GALNT17: variants seen among roughly 807,000 people sequenced by gnomAD.
GALNT17 encodes the protein polypeptide N-acetylgalactosaminyltransferase 17.
GALNT17 carries 29 observed loss-of-function variants against 63.7 expected under a neutral mutation model. The observed-to-expected ratio is 0.46, with a 90% CI of 0.34 to 0.62. The LOEUF is 0.62. GALNT17 is among the 20% of genes least tolerant of loss of function. GALNT17 has a pLI of 0.01. For missense variants in GALNT17, 603 were observed against 799.6 expected (o/e 0.75, Z 2.97); for synonymous variants, 305 against 318.3 (o/e 0.96, Z 0.45).
chr7:71,477,352 G>A (rs1178952424), intron 5 of GALNT17, among the ~76,000 whole-genome samples: 7 of 152,182 alleles, frequency 4.6e-5, no homozygotes, highest in Admixed American at 3.9e-4. Context: ...ACGGAGGTTG[G>A]TGTTTTCACC....
At chr7:71,524,480 A>G (rs555598712) in intron 5 of GALNT17, among the ~76,000 whole-genome samples, 2 of 152,072 alleles carry the variant, frequency 1.3e-5, no homozygotes, top group South Asian at 4.1e-4. Flanking sequence ...CAGTACATCA[A>G]ACTCTGACAA....
chr7:71,615,284 G>A (rs1790184489), intron 6 of GALNT17, among the ~76,000 whole-genome samples: 1 of 152,064 alleles, frequency 6.6e-6, no homozygotes, highest in Non-Finnish European at 1.5e-5. Flanking sequence ...CTTCCACTCT[G>A]CTAGCCTGCT....
intron 1 of GALNT17, among the ~76,000 whole-genome samples, chr7:71,279,578 A>G (rs1238788803): frequency 1.3e-5 from 2 of 151,742 alleles, no homozygotes; most frequent in East Asian, 3.9e-4. Flanking sequence ...ACTTAATTAC[A>G]TCAACAAGGA....
chr7:71,507,425 G>A (rs1788286344), intron 5 of GALNT17, among the ~76,000 whole-genome samples: 1 of 152,158 alleles, frequency 6.6e-6, no homozygotes, highest in Admixed American at 6.5e-5. Context: ...CACTTGGTAT[G>A]TATCTATACA....
intron 3 of GALNT17, among the ~76,000 whole-genome samples, chr7:71,401,205 T>C (rs1281317698): frequency 1.3e-5 from 2 of 151,722 alleles, no homozygotes; most frequent in African/African-American, 4.8e-5. Flanking sequence ...CAAGCGATTC[T>C]CCTGCCTCAG....
intron 5 of GALNT17, among the ~76,000 whole-genome samples, chr7:71,501,291 G>A (rs1011062209): frequency 1.3e-5 from 2 of 150,074 alleles, no homozygotes; most frequent in Non-Finnish European, 3.0e-5. Context: ...TTGAGACAGG[G>A]TCTCTTTCTG....
chr7:71,154,860 G>A (rs1788204850), intron 1 of GALNT17, among the ~76,000 whole-genome samples: 1 of 151,856 alleles, frequency 6.6e-6, no homozygotes, highest in South Asian at 2.1e-4. Flanking sequence ...ACAGGCGTGA[G>A]CCACCGCGCC....
Position 71,132,691 on chromosome 7 carries a change from G to C in GALNT17, c.-112G>C. The C allele has an allele frequency of 1.1e-6, 1 of 893,056 alleles. No individual in the cohort carries two copies. Among genetic ancestry groups the C allele is most frequent in the South Asian group, 1.8e-5 (1 of 55,102 alleles). 55.3% of individuals were successfully genotyped at this position (893,056 alleles called of 1,614,324 possible). A position where few individuals can be genotyped will look rare whatever the true frequency, so the allele number is the denominator to read the frequency against. On this transcript the variant is annotated 5_prime_UTR_variant, in exon 1 of 11. Coordinates refer to ENST00000333538, the MANE Select transcript of GALNT17 (RefSeq NM_022479.3). ...CTTGAGGTGGGACGAGCAGGGGCTTGGATCCCTGCCGGCCGTCTGGTGTGT... is the reference window on the plus strand; with the variant it reads ...CTTGAGGTGGGACGAGCAGGGGCTTCGATCCCTGCCGGCCGTCTGGTGTGT...
intron 9 of GALNT17, among the ~76,000 whole-genome samples, chr7:71,701,352 T>C (rs986594688): frequency 9.2e-5 from 14 of 152,066 alleles, no homozygotes; most frequent in African/African-American, 3.4e-4. Flanking sequence ...CTGGGCATGG[T>C]GGCAGGTGCC....
intron 5 of GALNT17, among the ~76,000 whole-genome samples, chr7:71,536,141 T>C (rs1481808060): frequency 6.6e-6 from 1 of 152,212 alleles, no homozygotes; most frequent in Non-Finnish European, 1.5e-5. Context: ...AAAAAGACTG[T>C]TTATCTACTT....
intron 5 of GALNT17, among the ~76,000 whole-genome samples, chr7:71,457,876 A>G (rs541783455): frequency 1.3e-5 from 2 of 152,152 alleles, no homozygotes; most frequent in South Asian, 4.2e-4. Flanking sequence ...GCCTTATTTT[A>G]CCCAGCTCCT....
chr7:71,316,018 G>A (rs2115969750), intron 1 of GALNT17, among the ~76,000 whole-genome samples: 1 of 152,282 alleles, frequency 6.6e-6, no homozygotes, highest in Non-Finnish European at 1.5e-5. Flanking sequence ...TGTGAACACA[G>A]GGAAACCAAC....
chr7:71,633,557 A>ATTAT (rs1467237779), intron 6 of GALNT17, among the ~76,000 whole-genome samples: 1 of 152,084 alleles, frequency 6.6e-6, no homozygotes, highest in Non-Finnish European at 1.5e-5. Flanking sequence ...TTACCGGCTC[A>ATTAT]TTATTTATTT....
intron 6 of GALNT17, among the ~76,000 whole-genome samples, chr7:71,601,550 G>A (rs1789967499): frequency 6.6e-6 from 1 of 152,070 alleles, no homozygotes. Context: ...GGGAAGCTGA[G>A]GTGGAAAGAT....
chr7:71,508,763 A>G (rs1788305932), intron 5 of GALNT17, among the ~76,000 whole-genome samples: 1 of 151,840 alleles, frequency 6.6e-6, no homozygotes, highest in Non-Finnish European at 1.5e-5. Context: ...CCTCCAGAAA[A>G]CTGTGTTCCT....
chr7:71,693,307 C>T (rs183213541), intron 9 of GALNT17, among the ~76,000 whole-genome samples: 93,800 of 126,344 alleles, frequency 0.74, 35,364 homozygotes, highest in Admixed American at 0.81. Context: ...CACACACACA[C>T]ACATATATAT....
At chr7:71,680,883 T>TTTCTTC (rs1562734674) in intron 9 of GALNT17, among the ~76,000 whole-genome samples, 1 of 144,814 alleles carries the variant, frequency 6.9e-6, no homozygotes, top group African/African-American at 2.5e-5. Flanking sequence ...TCCTTCCTTT[T>TTTCTTC]CTTCCTTCCT....
chr7:71,318,673 C>A (rs1294914278), intron 1 of GALNT17, among the ~76,000 whole-genome samples: 1 of 152,090 alleles, frequency 6.6e-6, no homozygotes, highest in East Asian at 1.9e-4. Context: ...TGTGATCCAC[C>A]CACCTCAGCC....
rs570463145 is a variant in GALNT17, at chr7:71,185,708, C to T, written c.238+52668C>T. 1.4e-4 allele frequency among the ~76,000 whole-genome samples: 21 copies of T among 151,908 alleles called. 1 individual carries two copies. Among genetic ancestry groups the T allele is most frequent in the Non-Finnish European group, 2.5e-4 (17 of 67,982 alleles). On this transcript the variant is annotated intron_variant, in intron 1 of 10. Transcript: ENST00000333538. Reference sequence around the variant, plus strand: ...ATTTTTAGTGGAGACGGGGTTTCACCGTGTTAGCCAGGATGGTCTCAATCT... The same window carrying T: ...ATTTTTAGTGGAGACGGGGTTTCACTGTGTTAGCCAGGATGGTCTCAATCT...
Sources: gnomAD v4.1 joint callset for allele counts (sites outside exome capture counted in the v4.1 genomes callset) on GRCh38, gnomAD v4.1.1 for gene constraint, MANE v1.5 for transcripts, NCBI Gene and HGNC (gene_info 2026-07-23, HGNC 2026-07-21) for gene names.